The following RMND5A variants were observed in gnomAD, a reference collection of about 807,000 sequenced individuals.
RMND5A encodes the protein required for meiotic nuclear division 5 homolog A.
RMND5A carries 17 observed loss-of-function variants against 49.7 expected under a neutral mutation model. That is an observed-to-expected ratio of 0.34 (90% confidence interval 0.23 to 0.51). The LOEUF is 0.51. RMND5A is among the 20% of genes least tolerant of loss of function. RMND5A has a pLI of 0.96. For missense variants in RMND5A, 255 were observed against 471.3 expected, an observed-to-expected ratio of 0.54 and a Z score of 4.25; for synonymous variants, 156 against 167.7, an observed-to-expected ratio of 0.93 and a Z score of 0.54.
In RMND5A at chr2:86,766,797, C is replaced by T. The variant is rs186278889; in HGVS notation, c.854+773C>T. Reference sequence around the variant, plus strand: ...TGAGGCCAGGAATTCAAGACCCACCCGGGTAACACAGCTAGACTCCATTTC... The same window carrying T: ...TGAGGCCAGGAATTCAAGACCCACCTGGGTAACACAGCTAGACTCCATTTC... On this transcript the variant is annotated intron_variant, in intron 6 of 8. Coordinates refer to ENST00000283632, the MANE Select transcript of RMND5A (RefSeq NM_022780.4). Among the ~76,000 whole-genome samples the T allele has an allele frequency of 2.6e-4, 39 of 152,062 alleles. No individual in the cohort carries two copies. The East Asian group carries it at 5.4e-3, about 21-fold the overall frequency.
chr2:86,760,671 C>T (rs188208398), intron 4 of RMND5A, among the ~76,000 whole-genome samples: 69 of 152,194 alleles, frequency 4.5e-4, no homozygotes, highest in East Asian at 2.5e-3. Context: ...GATAAACCCA[C>T]GTGACATTTT....
Position 86,765,939 on chromosome 2 carries a change from A to C in RMND5A, c.769A>C (p.Asn257His). Residue 257 changes from asparagine (N) to histidine (H), a missense_variant, in exon 6 of 9, where the codon AAC (asparagine) becomes CAC (histidine). By Grantham distance (68) the Asn-to-His change is moderately conservative. This residue lies in a region of RMND5A where 208 missense variants were observed against 339.8 expected (regional missense o/e 0.61). Transcript: ENST00000283632. ...ACCATATGTTCACCTACTTGATGCA[A>C]ACCAGTGGGCTGATATCTGTGACAT... The part of the protein sequence containing the change: ...NSPYVHLLDA[N>H]QWADICDIFT... 2.5e-6 allele frequency: 4 copies of C among 1,614,162 alleles called. No individual in the cohort carries two copies. Among genetic ancestry groups the C allele is most frequent in the Non-Finnish European group, 2.5e-6 (3 of 1,180,036 alleles).
intron 4 of RMND5A, among the ~76,000 whole-genome samples, chr2:86,761,003 T>TGTGA (rs60117038): frequency 3.4e-5 from 5 of 148,454 alleles, no homozygotes; most frequent in Non-Finnish European, 3.0e-5. Context: ...TGTGTGTGTG[T>TGTGA]GAATCAGTTT....
Position 86,771,560 on chromosome 2 carries a change from T to C in RMND5A, c.960T>C (p.Ile320=), listed in dbSNP as rs751785885. The change falls in exon 8 of 9, where the codon ATT becomes ATC. Residue 320 remains isoleucine, a splice_region_variant and synonymous_variant. Transcript: ENST00000283632. The part of the protein sequence containing the change: ...GVWNQKDELP[I]EVDLGKKCWY... ...ACTTTTTTTTTTTTTTTTAACAGAT[T>C]GAAGTGGACCTTGGTAAAAAGTGCT... 1 of 1,591,200 alleles carries C rather than the reference T, an allele frequency of 6.3e-7. No individual in the cohort carries two copies. Among genetic ancestry groups the C allele is most frequent in the South Asian group, 1.2e-5 (1 of 86,822 alleles).
chr2:86,754,761 A>G lies in RMND5A; in HGVS notation c.521+1203A>G, dbSNP rs1474564992. Among the ~76,000 whole-genome samples the G allele has an allele frequency of 2.6e-5, 4 of 152,122 alleles. No homozygotes were observed. In the South Asian group the frequency reaches 8.3e-4, roughly 32 times the overall value. On this transcript the variant is annotated intron_variant, in intron 4 of 8. Transcript: ENST00000283632. ...TTTTTTGTAGAGACAGGATCTCACT[A>G]TGTTACCCAGGCTGGTTTCGAACTC...
rs143767950 is a variant in RMND5A, at chr2:86,767,945, C to G, written c.854+1921C>G. ...CACAATAGATTTAATGCAGAGTAAACTATAAGAATCCAGCTGTCTTTCTGT... is the reference window on the plus strand; with the variant it reads ...CACAATAGATTTAATGCAGAGTAAAGTATAAGAATCCAGCTGTCTTTCTGT... On this transcript the variant is annotated intron_variant, in intron 6 of 8. Transcript: ENST00000283632. Among the ~76,000 whole-genome samples, 28 of 152,172 alleles carry G rather than the reference C, an allele frequency of 1.8e-4. No individual in the cohort carries two copies. The East Asian group carries it at 4.0e-3, about 22-fold the overall frequency.
chr2:86,760,742 G>C (rs1471170076), intron 4 of RMND5A, among the ~76,000 whole-genome samples: 1 of 120,522 alleles, frequency 8.3e-6, no homozygotes, highest in African/African-American at 3.3e-5. Context: ...AAGTGAAATT[G>C]AATGTGATTA....
At chr2:86,752,517 A>G (rs968078400) in intron 3 of RMND5A, among the ~76,000 whole-genome samples, 1 of 152,242 alleles carries the variant, frequency 6.6e-6, no homozygotes, top group African/African-American at 2.4e-5. Flanking sequence ...CAGTTTACCA[A>G]TACCATGTAG....
At position 86,774,587 on chromosome 2, in the gene RMND5A, A is replaced by G. The variant is rs1207257261; in HGVS notation, c.*1176A>G. 6.5e-6 allele frequency: 1 copy of G among 152,682 alleles called. No homozygotes were observed. The highest frequency in any genetic ancestry group is 1.5e-5 in the Non-Finnish European group (1 of 68,056). The allele number at this position is 152,682 out of a possible 1,614,324, so 9.5% of individuals were successfully genotyped here. On this transcript the variant is annotated 3_prime_UTR_variant, in exon 9 of 9. Transcript: ENST00000283632. ...ATTTATGCACTGTCCAAAAATAGCC[A>G]TGTGTAAGAGTCTTTCTGTATGACG... is the stretch of plus-strand genomic sequence containing the variant.
intron 7 of RMND5A, 32 bp downstream of exon 7, chr2:86,770,157 T>C (rs200225030): frequency 3.2e-4 from 441 of 1,369,728 alleles, no homozygotes; most frequent in Non-Finnish European, 4.1e-4. Context: ...CTATTTACTT[T>C]TACTGCCATT....
intron 7 of RMND5A, among the ~76,000 whole-genome samples, chr2:86,770,797 G>A (rs1345548758): frequency 6.6e-6 from 1 of 152,188 alleles, no homozygotes; most frequent in Admixed American, 6.5e-5. Context: ...CACTCAAATT[G>A]TGGCTGCCAT....
At chr2:86,747,262 C>T (rs1168010118) in intron 2 of RMND5A, among the ~76,000 whole-genome samples, 1 of 152,152 alleles carries the variant, frequency 6.6e-6, no homozygotes. Flanking sequence ...CTTTCTTTGA[C>T]CATCTTGAAG....
intron 1 of RMND5A, among the ~76,000 whole-genome samples, chr2:86,728,887 C>T (rs1056647402): frequency 2.7e-5 from 4 of 149,694 alleles, no homozygotes; most frequent in Admixed American, 2.0e-4. Context: ...CGAGTAGCTG[C>T]GATTACAGGC....
At chr2:86,749,587 A>G (rs1369829870) in intron 2 of RMND5A, among the ~76,000 whole-genome samples, 3 of 151,980 alleles carry the variant, frequency 2.0e-5, no homozygotes, top group East Asian at 3.9e-4. Context: ...ACGAGGTTTC[A>G]CCATGTTGGC....
chr2:86,760,788 T>C (rs1672469185), intron 4 of RMND5A, among the ~76,000 whole-genome samples: 1 of 152,208 alleles, frequency 6.6e-6, no homozygotes, highest in African/African-American at 2.4e-5. Context: ...AAGATGAAGC[T>C]AGGGCAAGAC....
intron 6 of RMND5A, among the ~76,000 whole-genome samples, chr2:86,766,388 A>G (rs537834133): frequency 6.6e-6 from 1 of 152,272 alleles, no homozygotes; most frequent in African/African-American, 2.4e-5. Context: ...AAGAAATGCT[A>G]GTTTTACTTA....
intron 1 of RMND5A, among the ~76,000 whole-genome samples, chr2:86,729,117 A>G (rs1217893792): frequency 2.6e-5 from 4 of 152,236 alleles, no homozygotes; most frequent in African/African-American, 4.8e-5. Context: ...GGTTTATGTT[A>G]AATACCACTC....
intron 1 of RMND5A, among the ~76,000 whole-genome samples, chr2:86,725,282 A>G (rs1269498281): frequency 6.7e-6 from 1 of 148,562 alleles, no homozygotes; most frequent in African/African-American, 2.5e-5. Context: ...CAAATGGTAT[A>G]AACTCAAATG....
At chr2:86,758,035 G>A (rs1056417125) in intron 4 of RMND5A, among the ~76,000 whole-genome samples, 6 of 152,190 alleles carry the variant, frequency 3.9e-5, no homozygotes, top group African/African-American at 1.4e-4. Flanking sequence ...TTGCAGAGCC[G>A]TTGGGCAGTT....
Sources: gnomAD v4.1 joint callset for allele counts (sites outside exome capture counted in the v4.1 genomes callset) on GRCh38, gnomAD v4.1.1 for gene constraint, gnomAD v4.1.1 regional missense constraint, MANE v1.5 for transcripts, NCBI Gene and HGNC (gene_info 2026-07-23, HGNC 2026-07-21) for gene names.